ANO1: variants seen among roughly 807,000 people sequenced by gnomAD.
ANO1 encodes the protein anoctamin 1.
ANO1 carries 59 observed loss-of-function variants against 124.0 expected under a neutral mutation model. The ratio of observed to expected loss-of-function variants is 0.48; its 90% CI spans 0.39 to 0.59. ANO1 has a LOEUF of 0.59. ANO1 is among the 20% of genes least tolerant of loss of function. The pLI is 0.00. For missense variants in ANO1, 1,059 were observed against 1,328.0 expected (o/e 0.80, Z 3.15); for synonymous variants, 529 against 532.0 (o/e 0.99, Z 0.08).
chr11:70,001,513 A>T (rs1220695637), intron 1 of ANO1, among the ~76,000 whole-genome samples: 3 of 152,178 alleles, frequency 2.0e-5, no homozygotes, highest in African/African-American at 7.2e-5. Flanking sequence ...AACCACCTGC[A>T]ACTGCTCCCA....
intron 1 of ANO1, among the ~76,000 whole-genome samples, chr11:70,046,984 G>A (rs1256603653): frequency 6.6e-6 from 1 of 151,212 alleles, no homozygotes; most frequent in Non-Finnish European, 1.5e-5. Flanking sequence ...GGAGGCTGAG[G>A]CAGGAGAATC....
At chr11:70,039,670 C>T (rs1857151803) in intron 1 of ANO1, among the ~76,000 whole-genome samples, 1 of 152,092 alleles carries the variant, frequency 6.6e-6, no homozygotes, top group Non-Finnish European at 1.5e-5. Flanking sequence ...AGTCCCACCT[C>T]CCCCTCCACC....
the ANO1 span, among the ~76,000 whole-genome samples, chr11:69,968,840 G>A: frequency 1.3e-5 from 2 of 152,338 alleles, no homozygotes; most frequent in Non-Finnish European, 2.9e-5. Flanking sequence ...CAACTACACA[G>A]CCCGCGGACT....
chr11:69,997,692 C>T (rs1856298012), intron 1 of ANO1, among the ~76,000 whole-genome samples: 1 of 152,216 alleles, frequency 6.6e-6, no homozygotes, highest in South Asian at 2.1e-4. Context: ...GGCCGTTTCT[C>T]ATGAATGGTT....
intron 1 of ANO1, among the ~76,000 whole-genome samples, chr11:69,999,439 G>A (rs1187264850): frequency 6.6e-6 from 1 of 152,166 alleles, no homozygotes; most frequent in South Asian, 2.1e-4. Flanking sequence ...TGAGATTTGG[G>A]CGGGGACAAT....
chr11:70,183,368 A>G (rs935885409), intron 24 of ANO1, among the ~76,000 whole-genome samples: 3 of 152,204 alleles, frequency 2.0e-5, no homozygotes, highest in Non-Finnish European at 4.4e-5. Flanking sequence ...CTGTTTCCCA[A>G]TAGTCAGTGA....
At chr11:70,114,887 C>T (rs75304276) in intron 7 of ANO1, among the ~76,000 whole-genome samples, 3,623 of 152,136 alleles carry the variant, frequency 0.024, 64 homozygotes, top group Non-Finnish European at 0.029. Flanking sequence ...CAACTGAGAC[C>T]CTGAGGAAGT....
At chr11:69,989,482 C>T (rs1017360251) in intron 1 of ANO1, among the ~76,000 whole-genome samples, 16 of 151,858 alleles carry the variant, frequency 1.1e-4, no homozygotes, top group African/African-American at 3.9e-4. Flanking sequence ...CCAGAACCAG[C>T]CAGGAGAGGG....
At chr11:70,157,071 A>C in intron 16 of ANO1, 50 bp downstream of exon 16, 1 of 1,547,956 alleles carries the variant, frequency 6.5e-7, no homozygotes, top group Non-Finnish European at 8.9e-7. Flanking sequence ...AACCGCAAGG[A>C]AGTGATTGGC....
intron 22 of ANO1, among the ~76,000 whole-genome samples, chr11:70,178,129 A>C (rs2048797060): frequency 6.6e-6 from 1 of 152,154 alleles, no homozygotes; most frequent in Non-Finnish European, 1.5e-5. Flanking sequence ...ACCAAGCTAG[A>C]CCCAGAATCT....
chr11:70,020,701 G>A lies in ANO1; in HGVS notation c.58+34535G>A, dbSNP rs78086667. On this transcript the variant is annotated intron_variant, in intron 1 of 27. Coordinates refer to the ANO1 transcript ENST00000531349. ...CCATCTCGACAGCCTGGGATGACAT[G>A]GGTTCCCCAGAGGGGGACAGAGTGC... Among the ~76,000 whole-genome samples, 2,835 of 152,252 alleles carry A rather than the reference G, an allele frequency of 0.019. 201 individuals carry two copies. The East Asian group carries it at 0.23, about 12-fold the overall frequency.
chr11:70,085,765 C>T (rs943567131), intron 1 of ANO1: 1 of 1,359,922 alleles, frequency 7.4e-7, no homozygotes. Flanking sequence ...GCCTTCCCTC[C>T]CCCTCTCCCC....
intron 1 of ANO1, 106 bp downstream of exon 1, chr11:70,078,820 C>A (rs1368334600): frequency 7.1e-6 from 4 of 561,548 alleles, no homozygotes; most frequent in African/African-American, 6.1e-5. Context: ...AGGGCGGGGG[C>A]CGCACCCTCC....
chr11:69,995,942 T>C (rs4980711), intron 1 of ANO1, among the ~76,000 whole-genome samples: 130,497 of 151,624 alleles, frequency 0.86, 56,887 homozygotes, highest in East Asian at 0.98. Context: ...CGAAACCCTG[T>C]ATCTACTAAA....
At chr11:70,059,931 C>T (rs144462248) in intron 1 of ANO1, among the ~76,000 whole-genome samples, 3 of 130,278 alleles carry the variant, frequency 2.3e-5, no homozygotes, top group African/African-American at 5.8e-5. Context: ...GGGATATTAG[C>T]GGGTGTGGAG....
At chr11:70,097,493 A>G (rs115810776) in intron 2 of ANO1, among the ~76,000 whole-genome samples, 3,168 of 152,326 alleles carry the variant, frequency 0.021, 115 homozygotes, top group African/African-American at 0.072. Context: ...ACCCCTGCCC[A>G]GGGACTGAGA....
rs758244027 is a variant in ANO1, at chr11:70,087,990, C to T, written c.347C>T (p.Pro116Leu). ...CTGGATGCAGGCTCGGGGGAGCCCC[C>T]GATGGACTACCACGAGGATGACAAG... is the stretch of plus-strand genomic sequence containing the variant. ...ASLDAGSGEPPMDYHEDDKRF... is the reference protein window; with the variant it reads ...ASLDAGSGEPLMDYHEDDKRF... The change falls in exon 2 of 26, where the codon CCG becomes CTG. Residue 116 changes from proline to leucine, a missense_variant. Pro to Leu is a moderately conservative substitution (Grantham distance 98, BLOSUM62 -3). This residue lies in a region of ANO1 where 250 missense variants were observed against 233.1 expected (regional missense o/e 1.07). Coordinates refer to ENST00000355303, the MANE Select transcript of ANO1 (RefSeq NM_018043.7). 8 of 1,566,698 alleles carry T rather than the reference C, an allele frequency of 5.1e-6. No individual in the cohort carries two copies. The highest frequency in any genetic ancestry group is 3.7e-5 in the Admixed American group (2 of 54,184).
At chr11:70,002,681 A>G (rs1554999529) in intron 1 of ANO1, among the ~76,000 whole-genome samples, 2 of 152,158 alleles carry the variant, frequency 1.3e-5, no homozygotes, top group East Asian at 3.8e-4. Context: ...CCTGTGGTTA[A>G]GTGGTGCATG....
At chr11:70,045,581 T>C (rs1317822304) in intron 1 of ANO1, among the ~76,000 whole-genome samples, 2 of 152,152 alleles carry the variant, frequency 1.3e-5, no homozygotes, top group Non-Finnish European at 2.9e-5. Flanking sequence ...GCTTGATCTG[T>C]TCATCGATGG....
Sources: gnomAD v4.1 joint callset for allele counts (sites outside exome capture counted in the v4.1 genomes callset) on GRCh38, gnomAD v4.1.1 for gene constraint, gnomAD v4.1.1 regional missense constraint, MANE v1.5 for transcripts, NCBI Gene and HGNC (gene_info 2026-07-23, HGNC 2026-07-21) for gene names.